The following SYN3 variants were observed in gnomAD, a reference collection of about 807,000 sequenced individuals.
SYN3 encodes the protein synapsin-3.
A neutral mutation model predicts 65.8 loss-of-function variants in SYN3; 35 were observed. The observed-to-expected ratio is 0.53, with a 90% CI of 0.41 to 0.70. SYN3 has a LOEUF of 0.70. SYN3 is among the 30% of genes least tolerant of loss of function. The pLI is 0.00. For synonymous variants in SYN3, 270 were observed against 292.9 expected (o/e 0.92, Z 0.80); for missense variants, 680 against 749.0 (o/e 0.91, Z 1.08).
At chr22:33,038,308 C>T (rs575958903) in intron 1 of SYN3, among the ~76,000 whole-genome samples, 2 of 152,358 alleles carry the variant, frequency 1.3e-5, no homozygotes, top group South Asian at 4.1e-4. Context: ...GCTGCTGTCA[C>T]TTGCAGGCAA....
Position 32,508,893 on chromosome 22 carries a change from G to A in SYN3, c.*4799C>T, listed in dbSNP as rs535146444. On this transcript the variant is annotated 3_prime_UTR_variant, in exon 14 of 14. Transcript: ENST00000358763. The stretch of plus-strand genomic sequence containing the variant: ...AGATGAGAACTTCCAGAAGGCAGTT[G>A]ATGTTCAGTTTTATGGGGTTTGCTG... Among the ~76,000 whole-genome samples the A allele has an allele frequency of 5.3e-5, 8 of 152,332 alleles. No homozygotes were observed. The highest frequency in any genetic ancestry group is 4.6e-4 in the Admixed American group (7 of 15,306).
chr22:33,025,489 C>A (rs1017019050), intron 1 of SYN3, among the ~76,000 whole-genome samples: 4 of 148,688 alleles, frequency 2.7e-5, no homozygotes, highest in African/African-American at 9.9e-5. Context: ...CAAAAATTAG[C>A]TGGGCATGGT....
chr22:32,915,303 A>C (rs1332082146), intron 4 of SYN3, among the ~76,000 whole-genome samples: 3 of 152,228 alleles, frequency 2.0e-5, no homozygotes, highest in Non-Finnish European at 4.4e-5. Context: ...CATTCAACCA[A>C]AATAGTGCCA....
chr22:32,783,621 C>T (rs570873480), intron 6 of SYN3, among the ~76,000 whole-genome samples: 62 of 152,214 alleles, frequency 4.1e-4, no homozygotes, highest in Non-Finnish European at 8.4e-4. Context: ...CCCTGTGCGC[C>T]GTCTCTGAAA....
At chr22:32,963,899 G>T (rs1295467225) in intron 3 of SYN3, among the ~76,000 whole-genome samples, 1 of 152,166 alleles carries the variant, frequency 6.6e-6, no homozygotes, top group Non-Finnish European at 1.5e-5. Flanking sequence ...TGAATGCAAA[G>T]TTTGGGGTTT....
intron 6 of SYN3, among the ~76,000 whole-genome samples, chr22:32,624,009 C>T (rs908825535): frequency 6.6e-6 from 1 of 152,218 alleles, no homozygotes; most frequent in Non-Finnish European, 1.5e-5. Context: ...TCATAACAAA[C>T]GATGCTCACA....
chr22:32,865,739 C>T (rs775726532), intron 5 of SYN3, among the ~76,000 whole-genome samples: 22 of 152,122 alleles, frequency 1.4e-4, no homozygotes, highest in African/African-American at 4.8e-4. Context: ...TGAGCTCTGT[C>T]GCTATGCTTT....
intron 6 of SYN3, among the ~76,000 whole-genome samples, chr22:32,682,363 G>A (rs2060535774): frequency 6.6e-6 from 1 of 152,200 alleles, no homozygotes; most frequent in South Asian, 2.1e-4. Flanking sequence ...GGAGTGACAT[G>A]ATTTGACTTA....
intron 6 of SYN3, among the ~76,000 whole-genome samples, chr22:32,684,702 C>T (rs1421740152): frequency 6.6e-6 from 1 of 152,184 alleles, no homozygotes; most frequent in Non-Finnish European, 1.5e-5. Context: ...TTTTTACATT[C>T]ATGGCTTTTT....
intron 2 of SYN3, among the ~76,000 whole-genome samples, chr22:32,995,861 C>T (rs1266552497): frequency 1.3e-5 from 2 of 152,138 alleles, no homozygotes; most frequent in Non-Finnish European, 2.9e-5. Context: ...TGGGGTTTCA[C>T]CATGTTGGCC....
intron 4 of SYN3, among the ~76,000 whole-genome samples, chr22:32,884,904 A>T (rs1030884982): frequency 6.6e-6 from 1 of 152,164 alleles, no homozygotes; most frequent in African/African-American, 2.4e-5. Flanking sequence ...AAATCATTTC[A>T]TATCAGTACA....
intron 3 of SYN3, among the ~76,000 whole-genome samples, chr22:32,963,169 C>T (rs1350552280): frequency 6.7e-6 from 1 of 149,916 alleles, no homozygotes; most frequent in African/African-American, 2.5e-5. Flanking sequence ...CTCTGCCTCT[C>T]GGGTTCAAGC....
At chr22:32,687,626 A>G (rs1394386983) in intron 6 of SYN3, among the ~76,000 whole-genome samples, 2 of 152,124 alleles carry the variant, frequency 1.3e-5, no homozygotes, top group African/African-American at 4.8e-5. Context: ...GTTGGTTTCC[A>G]AAGAGTAGAT....
chr22:33,028,717 G>A (rs1376830585), intron 1 of SYN3, among the ~76,000 whole-genome samples: 3 of 150,888 alleles, frequency 2.0e-5, no homozygotes, highest in East Asian at 1.9e-4. Context: ...TGGTGGTGGG[G>A]TTGCTACCAT....
chr22:32,682,309 A>G (rs2060535091), intron 6 of SYN3, among the ~76,000 whole-genome samples: 1 of 152,192 alleles, frequency 6.6e-6, no homozygotes, highest in African/African-American at 2.4e-5. Context: ...GTAGAGACTG[A>G]GAGACTGGTT....
At chr22:33,035,342 C>CG (rs1476227654) in intron 1 of SYN3, among the ~76,000 whole-genome samples, 4 of 109,184 alleles carry the variant, frequency 3.7e-5, no homozygotes, top group South Asian at 7.1e-4. Context: ...CCCCCCCCCC[C>CG]CCGCCACCAA....
chr22:32,522,750 C>T (rs1294840356), intron 12 of SYN3, among the ~76,000 whole-genome samples: 2 of 152,132 alleles, frequency 1.3e-5, no homozygotes, highest in Non-Finnish European at 2.9e-5. Context: ...GCTTCACCTG[C>T]ATTTATCTCA....
intron 3 of SYN3, among the ~76,000 whole-genome samples, chr22:32,951,239 A>G (rs1350727784): frequency 6.6e-6 from 1 of 151,622 alleles, no homozygotes; most frequent in Non-Finnish European, 1.5e-5. Flanking sequence ...TGTCAAACAC[A>G]CCAAGCAAGC....
intron 6 of SYN3, among the ~76,000 whole-genome samples, chr22:32,713,755 C>T (rs538809317): frequency 7.7e-4 from 117 of 151,070 alleles, no homozygotes; most frequent in Non-Finnish European, 1.1e-3. Flanking sequence ...GGCGTGAACC[C>T]GGGAGGCAAC....
Sources: gnomAD v4.1 joint callset for allele counts (sites outside exome capture counted in the v4.1 genomes callset) on GRCh38, gnomAD v4.1.1 for gene constraint, MANE v1.5 for transcripts, NCBI Gene and HGNC (gene_info 2026-07-23, HGNC 2026-07-21) for gene names.